The following HLTF variants were observed in gnomAD, a reference collection of about 807,000 sequenced individuals.
HLTF encodes DNA-dependent ATPase/E3 ubiquitin-protein ligase HLTF.
In HLTF, 127 loss-of-function variants were observed where a neutral mutation model predicts 129.4. The observed-to-expected ratio is 0.98, with a 90% CI of 0.85 to 1.14. The LOEUF (loss-of-function observed/expected upper bound fraction) is 1.14, where lower values mean the gene tolerates loss of function less well. Among genes scored for constraint, HLTF ranks in the 50% most tolerant of loss-of-function variants. The probability of loss-of-function intolerance (pLI) is 0.00; values close to 1 mark genes in which losing one functional copy is unlikely to be tolerated. For missense variants in HLTF, 1,139 were observed against 1,187.1 expected (o/e 0.96, Z 0.60); for synonymous variants, 332 against 388.8 (o/e 0.85, Z 1.72).
At chr3:149,045,461 G>A (rs1716464949) in intron 18 of HLTF, among the ~76,000 whole-genome samples, 1 of 152,124 alleles carries the variant, frequency 6.6e-6, no homozygotes, top group South Asian at 2.1e-4. Context: ...ATGGGTATAA[G>A]TGCCTGGCAC....
chr3:149,052,608 TG>T (rs1473531341), intron 14 of HLTF, among the ~76,000 whole-genome samples: 1 of 152,110 alleles, frequency 6.6e-6, no homozygotes, highest in Non-Finnish European at 1.5e-5. Flanking sequence ...GTTTCTGTAG[TG>T]AGTGGAAGCA....
At chr3:149,056,335 A>T (rs556787625) in intron 13 of HLTF, among the ~76,000 whole-genome samples, 11 of 152,192 alleles carry the variant, frequency 7.2e-5, no homozygotes, top group Non-Finnish European at 1.0e-4. Flanking sequence ...AAATAGTGAT[A>T]ATAAAGTGTT....
intron 2 of HLTF, among the ~76,000 whole-genome samples, chr3:149,078,262 G>A (rs1559883353): frequency 4.6e-5 from 7 of 152,196 alleles, no homozygotes; most frequent in Admixed American, 4.6e-4. Flanking sequence ...TATGTTCAAA[G>A]GGGCTGGGCA....
chr3:149,043,096 C>T (rs201188971), intron 18 of HLTF, among the ~76,000 whole-genome samples: 1 of 136,238 alleles, frequency 7.3e-6, no homozygotes, highest in Non-Finnish European at 1.6e-5. Context: ...ACAATTCCTC[C>T]AAAAAAAAAA....
chr3:149,069,857 G>T (rs1178640053), intron 7 of HLTF, among the ~76,000 whole-genome samples: 1 of 152,184 alleles, frequency 6.6e-6, no homozygotes, highest in Non-Finnish European at 1.5e-5. Context: ...AAAGTTGTGT[G>T]TGACACTATG....
intron 14 of HLTF, chr3:149,052,041 C>T (rs1717043194): frequency 6.6e-6 from 1 of 151,722 alleles, no homozygotes; most frequent in African/African-American, 2.4e-5. Flanking sequence ...GTAATTCCAC[C>T]TACTCAAGAG....
intron 8 of HLTF, among the ~76,000 whole-genome samples, chr3:149,065,333 CCT>C (rs1037380162): frequency 3.3e-5 from 5 of 152,140 alleles, no homozygotes; most frequent in African/African-American, 1.2e-4. Flanking sequence ...CCCAGAGTGT[CCT>C]CTCTTCTTAC....
intron 2 of HLTF, among the ~76,000 whole-genome samples, chr3:149,081,049 A>C (rs1719817070): frequency 6.6e-6 from 1 of 152,156 alleles, no homozygotes; most frequent in African/African-American, 2.4e-5. Flanking sequence ...TTAAATACAC[A>C]AATGTGTTAC....
intron 24 of HLTF, 28 bp downstream of exon 24, chr3:149,034,890 T>A: frequency 6.9e-7 from 1 of 1,455,458 alleles, no homozygotes; most frequent in Non-Finnish European, 9.7e-7. Context: ...ATCAACCTAG[T>A]CTTAAAATAG....
chr3:149,046,351 G>C, intron 17 of HLTF, 92 bp from the exon 18 acceptor site: 3 of 677,226 alleles, frequency 4.4e-6, no homozygotes, highest in South Asian at 2.8e-5. Flanking sequence ...ATTTGTTACT[G>C]TTTTATAGCT....
chr3:149,081,352 G>A (rs1401611002), intron 2 of HLTF, among the ~76,000 whole-genome samples: 2 of 150,994 alleles, frequency 1.3e-5, no homozygotes, highest in Non-Finnish European at 2.9e-5. Context: ...ATAACAAAAC[G>A]TGGTGGCTAA....
Position 149,050,346 on chromosome 3 carries a change from A to G in HLTF, c.1503T>C (p.Asp501=), listed in dbSNP as rs761992391. 11 of 1,592,062 alleles carry G rather than the reference A, an allele frequency of 6.9e-6. No individual in the cohort carries two copies. The South Asian group carries it at 1.1e-4, about 16-fold the overall frequency. The change falls in exon 15 of 25, where the codon GAT becomes GAC. Residue 501 remains aspartate (D), a synonymous_variant. Coordinates refer to ENST00000310053, the MANE Select transcript of HLTF (RefSeq NM_003071.4). ...IDQFGQHIKS[D]VHLNFYVYYG... is the part of the protein sequence containing the mutation. ...AATAAACATAAAAATTCAAGTGTACATCTGATTTTATATGTTGTCCAAACT... is the reference window on the plus strand; with the variant it reads ...AATAAACATAAAAATTCAAGTGTACGTCTGATTTTATATGTTGTCCAAACT...
In HLTF at chr3:149,048,122, G is replaced by C; in HGVS notation, c.1798C>G (p.Leu600Val). 1 of 1,612,450 alleles carries C rather than the reference G, an allele frequency of 6.2e-7. No individual in the cohort carries two copies. Among genetic ancestry groups the C allele is most frequent in the Non-Finnish European group, 8.5e-7 (1 of 1,179,054 alleles). Residue 600 changes from leucine (L) to valine (V), a missense_variant, in exon 17 of 25, where the codon CTT (leucine) becomes GTT (valine). Physicochemically the swap from Leu to Val is conservative, Grantham distance 32. Transcript: ENST00000310053. ...QNSLKDLWSL[L>V]SFLKLKPFID... ...AATGGTTTAAGTTTTAAAAAGGAAA[G>C]AAGAGACCACAAGTCCTTTAAAGAA... is the stretch of plus-strand genomic sequence containing the variant.
chr3:149,049,021 T>G lies in HLTF; in HGVS notation c.1618-20A>C. 6.5e-7 allele frequency: 1 copy of G among 1,537,542 alleles called. No homozygotes were observed. The highest frequency in any genetic ancestry group is 8.9e-7 in the Non-Finnish European group (1 of 1,119,248). The stretch of plus-strand genomic sequence containing the variant: ...TTTAGTCTGAAATAAATGTTTTATA[T>G]GAATTAAAAAACACAGGAAAGTAAA... On this transcript the variant is annotated intron_variant, in intron 15 of 24. Coordinates refer to ENST00000310053, the MANE Select transcript of HLTF (RefSeq NM_003071.4).
rs756113953 is a variant in HLTF at position 149,071,302 on chromosome 3, C to G, written c.844G>C (p.Asp282His). The G allele has an allele frequency of 5.6e-6, 9 of 1,609,854 alleles. No homozygotes were observed. Among genetic ancestry groups the G allele is most frequent in the Non-Finnish European group, 7.6e-6 (9 of 1,177,970 alleles). ...CCTCCATGGACATTTTCTGGTCGGT[C>G]CTTCTCAGAAAAATTTGTTATTGTG... ...YNTITNFSEK[D>H]RPENVHGGIL... The change falls in exon 7 of 25, where the codon GAC (aspartate) becomes CAC (histidine). Residue 282 changes from aspartate (D) to histidine (H), a missense_variant. Transcript: ENST00000310053.
chr3:149,071,145 C>A lies in HLTF; in HGVS notation c.894+107G>T, dbSNP rs75788315. 7.0e-3 allele frequency: 4,620 copies of A among 655,486 alleles called. 29 individuals are homozygous for A. Among genetic ancestry groups the A allele is most frequent in the South Asian group, 8.8e-3 (356 of 40,670 alleles). 40.6% of individuals were successfully genotyped at this position (655,486 alleles called of 1,614,324 possible). A position where few individuals can be genotyped will look rare whatever the true frequency, so the allele number is the denominator to read the frequency against. On this transcript the variant is annotated intron_variant, in intron 7 of 24. Coordinates refer to ENST00000310053, the MANE Select transcript of HLTF (RefSeq NM_003071.4). ...TTCTACAAAGATAGTAAGATCTAGT[C>A]CCAAACTGGTACCAACATATTCCTA...
chr3:149,040,903 A>T (rs891603914), intron 20 of HLTF, among the ~76,000 whole-genome samples: 20 of 152,120 alleles, frequency 1.3e-4, no homozygotes, highest in Non-Finnish European at 2.4e-4. Context: ...TAAAATGTTT[A>T]AAAAAATTCT....
chr3:149,065,619 C>T (rs563670105), intron 8 of HLTF, among the ~76,000 whole-genome samples: 2 of 152,206 alleles, frequency 1.3e-5, no homozygotes, highest in South Asian at 4.1e-4. Context: ...CACCTAAGAT[C>T]AGGAGCTCGA....
chr3:149,084,646 TATA>T (rs1720183498), intron 2 of HLTF, 33 bp downstream of exon 2: 1 of 1,425,404 alleles, frequency 7.0e-7, no homozygotes, highest in African/African-American at 1.5e-5. Context: ...ACGCCAGAAA[TATA>T]ATCAAAATTT....
Sources: gnomAD v4.1 joint callset for allele counts (sites outside exome capture counted in the v4.1 genomes callset) on GRCh38, gnomAD v4.1.1 for gene constraint, MANE v1.5 for transcripts, NCBI Gene and HGNC (gene_info 2026-07-23, HGNC 2026-07-21) for gene names.